The following SPDYE12 variants were observed in gnomAD, a reference collection of about 807,000 sequenced individuals.
The protein encoded by SPDYE12 is speedy/RINGO cell cycle regulator family member E12.
the SPDYE12 span, among the ~76,000 whole-genome samples, chr7:74,906,279 A>G: frequency 7.7e-5 from 11 of 142,224 alleles, 1 homozygote; most frequent in African/African-American, 3.3e-4. Context: ...CCCTCGACCC[A>G]GATCGGTAAC....
At chr7:74,907,568 C>G in the SPDYE12 span, among the ~76,000 whole-genome samples, 1 of 150,560 alleles carries the variant, frequency 6.6e-6, no homozygotes, top group South Asian at 2.1e-4. Flanking sequence ...CCCATCTATA[C>G]TAAAAATACA....
chr7:74,904,545 A>G, the SPDYE12 span, among the ~76,000 whole-genome samples: 89 of 151,658 alleles, frequency 5.9e-4, no homozygotes, highest in Admixed American at 2.1e-3. Flanking sequence ...TAAATGTAAT[A>G]TATATGTTAA....
chr7:74,908,524 G>A, the SPDYE12 span, among the ~76,000 whole-genome samples: 1 of 118,488 alleles, frequency 8.4e-6, no homozygotes, highest in Non-Finnish European at 1.7e-5. Flanking sequence ...GAGGCTGATG[G>A]CTTTTGCGGT....
chr7:74,915,061 T>C, the SPDYE12 span, among the ~76,000 whole-genome samples: 46 of 152,168 alleles, frequency 3.0e-4, 1 homozygote, highest in Admixed American at 2.1e-3. Context: ...ATCCCATTGC[T>C]GTGGAAGTCC....
chr7:74,910,310 C>T, the SPDYE12 span, among the ~76,000 whole-genome samples: 3 of 149,888 alleles, frequency 2.0e-5, no homozygotes, highest in African/African-American at 7.3e-5. Flanking sequence ...TTAGAGTGAG[C>T]TATGATCATG....
chr7:74,909,683 G>C, the SPDYE12 span: 1 of 1,571,528 alleles, frequency 6.4e-7, no homozygotes, highest in South Asian at 1.1e-5. Flanking sequence ...AGTGGAATGG[G>C]GGTCTGGGGA....
the SPDYE12 span, among the ~76,000 whole-genome samples, chr7:74,910,470 A>G: frequency 1.9e-3 from 287 of 148,034 alleles, no homozygotes; most frequent in African/African-American, 6.8e-3. Flanking sequence ...CGGGTGGATC[A>G]CCTGAGGTCA....
At chr7:74,912,767 C>CTTTTTTTTT in the SPDYE12 span, among the ~76,000 whole-genome samples, 1 of 11,742 alleles carries the variant, frequency 8.5e-5, no homozygotes, top group Admixed American at 1.0e-3. Flanking sequence ...TCTTTTTTTT[C>CTTTTTTTTT]TTCTTTTTTT....
chr7:74,912,852 A>G, the SPDYE12 span, among the ~76,000 whole-genome samples: 1 of 107,586 alleles, frequency 9.3e-6, no homozygotes, highest in Non-Finnish European at 1.7e-5. Context: ...GGAGTGCAGT[A>G]GCACGATCTC....
At chr7:74,908,881 C>T in the SPDYE12 span, among the ~76,000 whole-genome samples, 1 of 149,208 alleles carries the variant, frequency 6.7e-6, no homozygotes, top group East Asian at 2.0e-4. Context: ...CAGGGTTTCA[C>T]CATGTTAGCC....
At chr7:74,909,922 G>T in the SPDYE12 span, among the ~76,000 whole-genome samples, 322 of 149,578 alleles carry the variant, frequency 2.2e-3, no homozygotes, top group African/African-American at 7.1e-3. Flanking sequence ...ACTGTCCCAA[G>T]GAGCTGAGAG....
At chr7:74,913,312 GTCT>G in the SPDYE12 span, 6 of 1,319,976 alleles carry the variant, frequency 4.5e-6, no homozygotes, top group Non-Finnish European at 6.2e-6. Flanking sequence ...TCTGTCCTTG[GTCT>G]TCTTCTGGAC....
At chr7:74,909,033 G>GTTTTT in the SPDYE12 span, among the ~76,000 whole-genome samples, 1 of 32,000 alleles carries the variant, frequency 3.1e-5, no homozygotes, top group Non-Finnish European at 9.0e-5. Flanking sequence ...TTTTTGCCTG[G>GTTTTT]TTTTTTTTTT....
the SPDYE12 span, among the ~76,000 whole-genome samples, chr7:74,908,674 T>A: frequency 9.4e-6 from 1 of 106,640 alleles, no homozygotes; most frequent in Non-Finnish European, 2.0e-5. Flanking sequence ...TTTTTTTTTT[T>A]TTTTTTTTTT....
the SPDYE12 span, among the ~76,000 whole-genome samples, chr7:74,910,428 G>A: frequency 1.3e-5 from 2 of 149,750 alleles, no homozygotes; most frequent in East Asian, 2.0e-4. Context: ...CAGTGCTGAC[G>A]TCTGTAATCT....
At chr7:74,909,713 G>T in the SPDYE12 span, 3 of 1,498,402 alleles carry the variant, frequency 2.0e-6, no homozygotes, top group South Asian at 3.4e-5. Context: ...CATCAGAGAA[G>T]GGACCTCAGC....
the SPDYE12 span, among the ~76,000 whole-genome samples, chr7:74,909,213 C>T: frequency 1.3e-5 from 2 of 150,612 alleles, no homozygotes; most frequent in African/African-American, 4.9e-5. Context: ...ACCAACATGC[C>T]CGACTGATTT....
At chr7:74,909,385 T>C in the SPDYE12 span, 2 of 1,431,298 alleles carry the variant, frequency 1.4e-6, no homozygotes, top group Non-Finnish European at 2.0e-6. Context: ...CAGTCTAAGA[T>C]ACTATAATCC....
chr7:74,909,053 CT>C, the SPDYE12 span, among the ~76,000 whole-genome samples: 134 of 46,256 alleles, frequency 2.9e-3, no homozygotes, highest in Non-Finnish European at 3.4e-3. Context: ...TTTTTTTTGG[CT>C]TTTTTTTTTT....
Sources: allele counts gnomAD v4.1 joint callset (sites outside exome capture counted in the v4.1 genomes callset), GRCh38; gene constraint gnomAD v4.1.1; transcripts MANE v1.5; gene names NCBI Gene and HGNC (gene_info 2026-07-23, HGNC 2026-07-21).